PTPRM: variants seen among roughly 807,000 people sequenced by gnomAD.
The protein encoded by PTPRM is protein tyrosine phosphatase receptor type M.
In PTPRM, 47 loss-of-function variants were observed where a neutral mutation model predicts 186.7. The observed-to-expected ratio is 0.25, with a 90% CI of 0.20 to 0.32. The LOEUF (loss-of-function observed/expected upper bound fraction) is 0.32. Among genes scored for constraint, PTPRM ranks in the 10% least tolerant of loss-of-function variants. The pLI, the probability that PTPRM is intolerant of heterozygous loss-of-function variation, is 1.00. For missense variants in PTPRM, 1,494 were observed against 1,865.0 expected, an observed-to-expected ratio of 0.80 and a Z score of 3.66; for synonymous variants, 668 against 674.9, an observed-to-expected ratio of 0.99 and a Z score of 0.16.
intron 7 of PTPRM, among the ~76,000 whole-genome samples, chr18:7,984,572 C>CATATATATATATATATAT (rs71354583): frequency 3.9e-4 from 35 of 88,644 alleles, no homozygotes; most frequent in South Asian, 1.4e-3. Flanking sequence ...ATATATGCCC[C>CATATATATATATATATAT]ATATATATAT....
At chr18:8,371,046 C>T in intron 24 of PTPRM, 40 bp downstream of exon 24, 1 of 1,250,396 alleles carries the variant, frequency 8.0e-7, no homozygotes, top group Non-Finnish European at 1.2e-6. Flanking sequence ...TGGTCAGACA[C>T]TAGTGGTACC....
At chr18:8,125,611 T>G (rs2092313655) in intron 13 of PTPRM, among the ~76,000 whole-genome samples, 1 of 152,034 alleles carries the variant, frequency 6.6e-6, no homozygotes, top group South Asian at 2.1e-4. Context: ...ATCCACAATT[T>G]TTAAAAAAAT....
intron 1 of PTPRM, among the ~76,000 whole-genome samples, chr18:7,613,063 C>T (rs75633439): frequency 0.044 from 6,771 of 152,184 alleles, 192 homozygotes; most frequent in South Asian, 0.12. Context: ...TCAGTTGCCA[C>T]TGTAGTGTTT....
chr18:8,055,837 G>A (rs537172794), intron 7 of PTPRM, among the ~76,000 whole-genome samples: 2 of 152,266 alleles, frequency 1.3e-5, no homozygotes, highest in South Asian at 2.1e-4. Flanking sequence ...ACTGTTATTC[G>A]TATGAGATTA....
chr18:8,104,548 G>A (rs892664791), intron 11 of PTPRM, among the ~76,000 whole-genome samples: 5 of 152,106 alleles, frequency 3.3e-5, no homozygotes, highest in African/African-American at 4.8e-5. Context: ...TGGCTCAAGC[G>A]ATCCTCCCAC....
chr18:7,648,043 A>T (rs1023854451), intron 1 of PTPRM, among the ~76,000 whole-genome samples: 5 of 152,124 alleles, frequency 3.3e-5, no homozygotes, highest in African/African-American at 1.2e-4. Flanking sequence ...CTTTTTTTCC[A>T]ACAGCATATT....
intron 2 of PTPRM, among the ~76,000 whole-genome samples, chr18:7,781,327 A>G (rs2042844536): frequency 6.6e-6 from 1 of 152,230 alleles, no homozygotes; most frequent in South Asian, 2.1e-4. Context: ...TCAAAACCCT[A>G]TTAATATCTC....
At chr18:8,196,439 G>T (rs1188380883) in intron 14 of PTPRM, among the ~76,000 whole-genome samples, 1 of 152,190 alleles carries the variant, frequency 6.6e-6, no homozygotes, top group Admixed American at 6.5e-5. Context: ...AAAGTGCTAT[G>T]CCAATACAAG....
chr18:8,162,959 G>C (rs1382210259), intron 14 of PTPRM, among the ~76,000 whole-genome samples: 1 of 152,138 alleles, frequency 6.6e-6, no homozygotes, highest in African/African-American at 2.4e-5. Flanking sequence ...GGAGCCCTCA[G>C]GGCACATCTA....
chr18:7,585,264 AT>A (rs200794877), intron 1 of PTPRM, among the ~76,000 whole-genome samples: 6,289 of 151,896 alleles, frequency 0.041, 149 homozygotes, highest in South Asian at 0.085. Context: ...ATGGTTTTTA[AT>A]TTTTTTTTCT....
chr18:7,986,046 T>C (rs1199414083), intron 7 of PTPRM, among the ~76,000 whole-genome samples: 1 of 152,144 alleles, frequency 6.6e-6, no homozygotes, highest in African/African-American at 2.4e-5. Context: ...TAAACCTTTG[T>C]CTCAAAATTA....
At chr18:8,133,355 A>G (rs1315641305) in intron 13 of PTPRM, among the ~76,000 whole-genome samples, 2 of 152,154 alleles carry the variant, frequency 1.3e-5, no homozygotes, top group Non-Finnish European at 2.9e-5. Flanking sequence ...ATGTTCAAAC[A>G]TCTTCCTTCT....
chr18:7,940,119 T>A (rs1002715), intron 5 of PTPRM, among the ~76,000 whole-genome samples: 69,986 of 151,976 alleles, frequency 0.46, 17,839 homozygotes, highest in African/African-American at 0.69. Flanking sequence ...CACACTTCAC[T>A]GTTTAATTCC....
At chr18:7,844,682 G>A (rs1366831045) in intron 2 of PTPRM, among the ~76,000 whole-genome samples, 1 of 152,180 alleles carries the variant, frequency 6.6e-6, no homozygotes, top group Non-Finnish European at 1.5e-5. Context: ...TTCTGTCTGA[G>A]TCACTCCTCC....
chr18:7,601,994 A>G (rs1391236607), intron 1 of PTPRM, among the ~76,000 whole-genome samples: 1 of 152,190 alleles, frequency 6.6e-6, no homozygotes, highest in African/African-American at 2.4e-5. Context: ...GTCACACACA[A>G]ATGCTTACAC....
At chr18:8,352,653 G>GTTTTTT (rs1355276752) in intron 23 of PTPRM, among the ~76,000 whole-genome samples, 8 of 121,324 alleles carry the variant, frequency 6.6e-5, no homozygotes, top group African/African-American at 1.2e-4. Context: ...TTTTGGTTTG[G>GTTTTTT]TTTTTTTTGT....
intron 22 of PTPRM, among the ~76,000 whole-genome samples, chr18:8,339,555 TG>T (rs1302248652): frequency 6.6e-6 from 1 of 152,062 alleles, no homozygotes; most frequent in African/African-American, 2.4e-5. Flanking sequence ...CTTGGGAGTT[TG>T]TTTGTTTGTC....
chr18:8,204,984 C>T (rs10513899), intron 14 of PTPRM, among the ~76,000 whole-genome samples: 1,862 of 152,118 alleles, frequency 0.012, 41 homozygotes, highest in African/African-American at 0.042. Context: ...GTTAAGTTTC[C>T]GCTAAGTGCT....
At chr18:8,125,998 TA>T (rs1568383042) in intron 13 of PTPRM, among the ~76,000 whole-genome samples, 229 of 14,934 alleles carry the variant, frequency 0.015, 14 homozygotes, top group African/African-American at 0.028. Context: ...TATATATATA[TA>T]TATATATATA....
Sources: allele counts gnomAD v4.1 joint callset (sites outside exome capture counted in the v4.1 genomes callset), GRCh38; gene constraint gnomAD v4.1.1; transcripts MANE v1.5; gene names NCBI Gene and HGNC (gene_info 2026-07-23, HGNC 2026-07-21).